The following ERC1 variants were observed in gnomAD, a reference collection of about 807,000 sequenced individuals.
ERC1 encodes the protein ELKS/RAB6-interacting/CAST family member 1, also known as RAB6 interacting protein 2.
In ERC1, 56 loss-of-function variants were observed where a neutral mutation model predicts 132.0. The observed-to-expected ratio is 0.42, with a 90% CI of 0.34 to 0.53. The LOEUF (loss-of-function observed/expected upper bound fraction) is 0.53, where lower values mean the gene tolerates loss of function less well. ERC1 is among the 20% of genes least tolerant of loss of function. The probability of loss-of-function intolerance (pLI) is 0.03; values close to 1 mark genes in which losing one functional copy is unlikely to be tolerated. For synonymous variants in ERC1, 478 were observed against 476.1 expected, an observed-to-expected ratio of 1.00 and a Z score of -0.05; for missense variants, 1,202 against 1,349.9, an observed-to-expected ratio of 0.89 and a Z score of 1.72.
chr12:1,023,190 G>T (rs1966627397), intron 1 of ERC1, among the ~76,000 whole-genome samples: 1 of 152,186 alleles, frequency 6.6e-6, no homozygotes. Context: ...TTTAATTCAG[G>T]TAGGATAGGA....
intron 18 of ERC1, among the ~76,000 whole-genome samples, chr12:1,475,530 T>C (rs886271132): frequency 1.3e-5 from 2 of 151,752 alleles, no homozygotes; most frequent in Middle Eastern, 3.2e-3. Flanking sequence ...ATAAGAAAGA[T>C]AGAGAAGAAA....
intron 15 of ERC1, among the ~76,000 whole-genome samples, chr12:1,298,557 CAAACA>C (rs1245414568): frequency 1.1e-5 from 1 of 89,518 alleles, no homozygotes; most frequent in Non-Finnish European, 2.8e-5. Context: ...AAAAAAAAAA[CAAACA>C]AACAAAGAAA....
In ERC1 at chr12:1,365,233, G is replaced by A. The variant is rs546157476; in HGVS notation, c.2781-6600G>A. The stretch of plus-strand genomic sequence containing the variant: ...AGCTCTTTCTTTCTTTAAATGAAAT[G>A]TAAGTTGCCCAAAGCTCATGGTTTC... On this transcript the variant is annotated intron_variant, in intron 15 of 18. Transcript: ENST00000360905. 1.1e-4 allele frequency among the ~76,000 whole-genome samples: 17 copies of A among 152,188 alleles called. 1 individual carries two copies. The highest frequency in any genetic ancestry group is 4.1e-4 in the African/African-American group (17 of 41,520).
At chr12:1,189,733 T>TA in intron 11 of ERC1, 126 bp from the exon 12 acceptor site, 1 of 674,868 alleles carries the variant, frequency 1.5e-6, no homozygotes. Flanking sequence ...CCTTATAAAT[T>TA]ACAAACTAAC....
intron 17 of ERC1, among the ~76,000 whole-genome samples, chr12:1,413,019 A>AC (rs1172065563): frequency 1.3e-5 from 2 of 152,220 alleles, no homozygotes; most frequent in Non-Finnish European, 2.9e-5. Flanking sequence ...GGAAGGAAGA[A>AC]CTAGTATCTG....
Position 1,457,617 on chromosome 12 carries a change from A to G in ERC1, c.3213+12867A>G, listed in dbSNP as rs140650323. Among the ~76,000 whole-genome samples the G allele has an allele frequency of 4.6e-3, 700 of 152,270 alleles. 4 individuals carry two copies. The highest frequency in any genetic ancestry group is 0.016 in the African/African-American group (656 of 41,556). On this transcript the variant is annotated intron_variant, in intron 18 of 18. Transcript: ENST00000360905. ...TCTCTAAATATTAGTTGTCTCAACC[A>G]TTTTTTTATACATTAAGCAGCAATA...
chr12:1,400,289 A>G (rs1591786667), intron 16 of ERC1, among the ~76,000 whole-genome samples: 1 of 152,110 alleles, frequency 6.6e-6, no homozygotes, highest in African/African-American at 2.4e-5. Flanking sequence ...TTGTATTTTT[A>G]TTATTGAGTT....
At chr12:1,136,133 C>G (rs2154244128) in intron 7 of ERC1, among the ~76,000 whole-genome samples, 1 of 152,336 alleles carries the variant, frequency 6.6e-6, no homozygotes, top group South Asian at 2.1e-4. Context: ...CCCTTATATA[C>G]AACCAATAAA....
chr12:1,494,187 G>A lies in ERC1; in HGVS notation c.*3957G>A, dbSNP rs2094342539. 4.3e-6 allele frequency: 1 copy of A among 232,254 alleles called. No homozygotes were observed. The highest frequency in any genetic ancestry group is 6.1e-5 in the East Asian group (1 of 16,434). 14.4% of individuals were successfully genotyped at this position (232,254 alleles called of 1,614,324 possible). Reference sequence around the variant, plus strand: ...ACCAGTAATTTAACATCTGCTCCTGGCCTCCTCTTCACCTGCCTGGGTTCG... The same window carrying A: ...ACCAGTAATTTAACATCTGCTCCTGACCTCCTCTTCACCTGCCTGGGTTCG... On this transcript the variant is annotated 3_prime_UTR_variant, in exon 19 of 19. Coordinates refer to ENST00000360905, the MANE Select transcript of ERC1 (RefSeq NM_178040.4).
chr12:1,351,573 G>C (rs998604119), intron 15 of ERC1, among the ~76,000 whole-genome samples: 1 of 152,154 alleles, frequency 6.6e-6, no homozygotes, highest in Admixed American at 6.5e-5. Flanking sequence ...GCATCTTTTT[G>C]TATGCTTATG....
rs369289666 is a variant in ERC1 at position 1,168,316 on chromosome 12, G to A, written c.1738-12224G>A. 7.2e-5 allele frequency among the ~76,000 whole-genome samples: 11 copies of A among 151,880 alleles called. 1 individual carries two copies. Among genetic ancestry groups the A allele is most frequent in the Admixed American group, 4.6e-4 (7 of 15,244 alleles). ...TTAATAGTTTTTGTAGTAGAGATGG[G>A]TTTCGCCATGTTGCTTAGGCTAGTC... On this transcript the variant is annotated intron_variant, in intron 8 of 18. Transcript: ENST00000360905.
At chr12:1,458,220 T>G (rs906785950) in intron 18 of ERC1, among the ~76,000 whole-genome samples, 2 of 152,164 alleles carry the variant, frequency 1.3e-5, no homozygotes, top group Non-Finnish European at 2.9e-5. Context: ...TCAGCTAGCA[T>G]GAGTGGAAAT....
At position 1,394,782 on chromosome 12, in the gene ERC1, G is replaced by T. The variant is rs141261653; in HGVS notation, c.2926-13367G>T. On this transcript the variant is annotated intron_variant, in intron 16 of 18. Transcript: ENST00000360905. ...GTCATGTTTCCTGTGAAGCCTGAGG[G>T]ACTGAGTCAATTGAACCAATTTTCT... 1.9e-3 allele frequency among the ~76,000 whole-genome samples: 296 copies of T among 152,316 alleles called. 1 individual carries two copies. Among genetic ancestry groups the T allele is most frequent in the African/African-American group, 6.4e-3 (268 of 41,562 alleles).
intron 3 of ERC1, among the ~76,000 whole-genome samples, chr12:1,095,920 G>A (rs151084301): frequency 1.3e-5 from 2 of 149,820 alleles, no homozygotes; most frequent in Admixed American, 6.6e-5. Flanking sequence ...TTTATTGTAC[G>A]CAGGGAAGGA....
intron 8 of ERC1, among the ~76,000 whole-genome samples, chr12:1,157,447 T>A (rs1169187013): frequency 6.6e-6 from 1 of 152,246 alleles, no homozygotes; most frequent in Non-Finnish European, 1.5e-5. Flanking sequence ...AATTTATATA[T>A]TGCCGTAATG....
At chr12:1,057,268 C>T (rs1211719618) in intron 2 of ERC1, among the ~76,000 whole-genome samples, 5 of 152,106 alleles carry the variant, frequency 3.3e-5, no homozygotes, top group Non-Finnish European at 7.4e-5. Context: ...GGATTACAGG[C>T]GTACATCACC....
intron 2 of ERC1, among the ~76,000 whole-genome samples, chr12:1,047,904 T>A (rs1275352860): frequency 6.6e-6 from 1 of 151,998 alleles, no homozygotes; most frequent in Non-Finnish European, 1.5e-5. Context: ...TTATTCAAGG[T>A]GATGGAGGGT....
At chr12:1,229,533 T>C (rs1209948461) in intron 12 of ERC1, among the ~76,000 whole-genome samples, 1 of 152,204 alleles carries the variant, frequency 6.6e-6, no homozygotes, top group Non-Finnish European at 1.5e-5. Context: ...TGTTGTTGTT[T>C]TAATGATTCA....
rs547971599 is a variant in ERC1 at position 1,432,733 on chromosome 12, G to A, written c.3025-11829G>A. On this transcript the variant is annotated intron_variant, in intron 17 of 18. Coordinates refer to ENST00000360905, the MANE Select transcript of ERC1 (RefSeq NM_178040.4). The stretch of plus-strand genomic sequence containing the variant: ...ATGTAACAGACCCTGGAATCAAGCC[G>A]TACAGTGTGTCTCCAGAGCCCATGC... Among the ~76,000 whole-genome samples the A allele has an allele frequency of 4.0e-4, 61 of 152,288 alleles. 1 individual carries two copies. Among genetic ancestry groups the A allele is most frequent in the African/African-American group, 1.4e-3 (59 of 41,568 alleles).
Sources: gnomAD v4.1 joint callset for allele counts (sites outside exome capture counted in the v4.1 genomes callset) on GRCh38, gnomAD v4.1.1 for gene constraint, MANE v1.5 for transcripts, NCBI Gene and HGNC (gene_info 2026-07-23, HGNC 2026-07-21) for gene names.